NETO1: variants seen among roughly 807,000 people sequenced by gnomAD.
NETO1 encodes neuropilin and tolloid-like protein 1.
Under a neutral mutation model 61.3 loss-of-function variants are expected in NETO1, and 26 were observed. The ratio of observed to expected loss-of-function variants is 0.42; its 90% CI spans 0.31 to 0.59. The LOEUF is 0.59. Ranked by LOEUF, NETO1 falls within the 20% of genes least tolerant of loss-of-function variation. NETO1 has a pLI of 0.12. For missense variants in NETO1, 531 were observed against 662.8 expected (o/e 0.80, Z 2.18); for synonymous variants, 225 against 225.8 (o/e 1.00, Z 0.03).
chr18:72,770,225 A>G (rs546381985), intron 7 of NETO1, among the ~76,000 whole-genome samples: 103 of 152,018 alleles, frequency 6.8e-4, no homozygotes, highest in Middle Eastern at 3.4e-3. Context: ...CCCATTTTCT[A>G]TTAGAATGCT....
Position 72,867,514 on chromosome 18 carries a change from C to G in NETO1, c.-223G>C. 2.6e-6 allele frequency: 1 copy of G among 389,258 alleles called. No individual in the cohort carries two copies. Among genetic ancestry groups the G allele is most frequent in the Non-Finnish European group, 4.5e-6 (1 of 220,132 alleles). The allele number at this position is 389,258 out of a possible 1,614,324, so 24.1% of individuals were successfully genotyped here. A position where few individuals can be genotyped will look rare whatever the true frequency, so the allele number is the denominator to read the frequency against. On this transcript the variant is annotated 5_prime_UTR_variant, in exon 1 of 11. Transcript: ENST00000327305. ...CCTCCGCCCCGGGCGGGCTCTCGCT[C>G]TCGCTGGCCCTCAGCGCCGCGCAGC...
Position 72,746,118 on chromosome 18 carries a change from G to C in NETO1, c.*2061C>G, listed in dbSNP as rs541921503. Among the ~76,000 whole-genome samples, 10 of 152,092 alleles carry C rather than the reference G, an allele frequency of 6.6e-5. No homozygotes were observed. The highest frequency in any genetic ancestry group is 2.2e-4 in the African/African-American group (9 of 41,490). ...GGGACGGACATGCCGGACAGTTATAGAACAAATTAATAGTAAAATGTTCAC... is the reference window on the plus strand; with the variant it reads ...GGGACGGACATGCCGGACAGTTATACAACAAATTAATAGTAAAATGTTCAC... On this transcript the variant is annotated 3_prime_UTR_variant, in exon 11 of 11. Transcript: ENST00000327305.
intron 7 of NETO1, among the ~76,000 whole-genome samples, chr18:72,780,362 A>T (rs984193068): frequency 3.9e-5 from 6 of 152,220 alleles, no homozygotes; most frequent in Admixed American, 3.3e-4. Flanking sequence ...ACTTCTAGAG[A>T]TAATTTAATC....
intron 4 of NETO1, among the ~76,000 whole-genome samples, chr18:72,794,791 A>C (rs2072256539): frequency 6.6e-6 from 1 of 152,242 alleles, no homozygotes; most frequent in South Asian, 2.1e-4. Flanking sequence ...ATCAATAGGT[A>C]ATTCAAGGTT....
At chr18:72,817,481 G>A (rs2073063172) in intron 4 of NETO1, among the ~76,000 whole-genome samples, 2 of 152,252 alleles carry the variant, frequency 1.3e-5, no homozygotes. Context: ...CATTGTCACT[G>A]TGTAAGCCAC....
chr18:72,826,462 G>A (rs577904535), intron 4 of NETO1, among the ~76,000 whole-genome samples: 45 of 151,824 alleles, frequency 3.0e-4, no homozygotes, highest in Non-Finnish European at 4.7e-4. Flanking sequence ...TTTTAAATTG[G>A]TAGATTTATT....
At chr18:72,767,743 GAGGA>G (rs975638603) in intron 7 of NETO1, among the ~76,000 whole-genome samples, 72 of 152,092 alleles carry the variant, frequency 4.7e-4, no homozygotes, top group East Asian at 2.9e-3. Flanking sequence ...AGGGAGGTAA[GAGGA>G]AGGAAGGAAG....
chr18:72,816,458 A>G (rs1311870935), intron 4 of NETO1, among the ~76,000 whole-genome samples: 1 of 152,004 alleles, frequency 6.6e-6, no homozygotes, highest in Non-Finnish European at 1.5e-5. Context: ...CTAGCATTCC[A>G]CCTCCTACAG....
At chr18:72,851,231 G>C (rs147488257) in intron 4 of NETO1, among the ~76,000 whole-genome samples, 1 of 152,226 alleles carries the variant, frequency 6.6e-6, no homozygotes, top group African/African-American at 2.4e-5. Flanking sequence ...GATCAACGTG[G>C]AGAAACCCTG....
At chr18:72,789,247 CACAT>C (rs1409610741) in intron 6 of NETO1, among the ~76,000 whole-genome samples, 85 of 99,942 alleles carry the variant, frequency 8.5e-4, no homozygotes, top group African/African-American at 1.2e-3. Context: ...CACACACACA[CACAT>C]GTGCACAGCA....
intron 7 of NETO1, among the ~76,000 whole-genome samples, chr18:72,772,161 C>G (rs2071372063): frequency 6.9e-6 from 1 of 145,088 alleles, no homozygotes; most frequent in African/African-American, 2.5e-5. Context: ...ACGTAGTTCT[C>G]TGTATAATAT....
At chr18:72,807,311 T>C (rs1278126540) in intron 4 of NETO1, among the ~76,000 whole-genome samples, 1 of 152,170 alleles carries the variant, frequency 6.6e-6, no homozygotes, top group Non-Finnish European at 1.5e-5. Context: ...TATTCATATA[T>C]AAATTTAAGA....
chr18:72,863,045 C>T (rs1445692503), intron 3 of NETO1, among the ~76,000 whole-genome samples: 2 of 152,062 alleles, frequency 1.3e-5, no homozygotes, highest in Admixed American at 1.3e-4. Context: ...TGTTCTTTTC[C>T]TTCAGTTGCT....
chr18:72,834,501 G>C, intron 4 of NETO1: 1 of 968,584 alleles, frequency 1.0e-6, no homozygotes, highest in African/African-American at 1.8e-5. Context: ...ACTTAAGAAA[G>C]TTAATCAACT....
intron 3 of NETO1, among the ~76,000 whole-genome samples, chr18:72,859,435 G>A (rs892591492): frequency 3.9e-5 from 6 of 152,098 alleles, no homozygotes; most frequent in Admixed American, 6.5e-5. Flanking sequence ...GGAATACTCA[G>A]GTTTAAGGTA....
chr18:72,771,928 G>A (rs2145178534), intron 7 of NETO1, among the ~76,000 whole-genome samples: 1 of 152,158 alleles, frequency 6.6e-6, no homozygotes, highest in South Asian at 2.1e-4. Flanking sequence ...CAGAAGTCCA[G>A]GCAGGGCTCA....
At chr18:72,778,117 G>A (rs930508975) in intron 7 of NETO1, among the ~76,000 whole-genome samples, 1 of 152,162 alleles carries the variant, frequency 6.6e-6, no homozygotes, top group Non-Finnish European at 1.5e-5. Flanking sequence ...TGAGATACGA[G>A]GTAGTGGTGG....
intron 4 of NETO1, among the ~76,000 whole-genome samples, chr18:72,811,162 T>C (rs2072853576): frequency 6.6e-6 from 1 of 152,076 alleles, no homozygotes; most frequent in Non-Finnish European, 1.5e-5. Flanking sequence ...CCTTTGCCCC[T>C]CCATCCTACA....
intron 4 of NETO1, among the ~76,000 whole-genome samples, chr18:72,815,401 T>G (rs1392618615): frequency 6.6e-6 from 1 of 152,118 alleles, no homozygotes; most frequent in Non-Finnish European, 1.5e-5. Context: ...TCAACACTTA[T>G]AGCCTTCATA....
Sources: allele counts gnomAD v4.1 joint callset (sites outside exome capture counted in the v4.1 genomes callset), GRCh38; gene constraint gnomAD v4.1.1; transcripts MANE v1.5; gene names NCBI Gene and HGNC (gene_info 2026-07-23, HGNC 2026-07-21).